Variants in KDM1A observed in about 807,000 individuals in gnomAD.
The protein encoded by KDM1A is lysine demethylase 1A, also known as lysine-specific histone demethylase 1A.
A neutral mutation model predicts 109.4 loss-of-function variants in KDM1A; 49 were observed. That is an observed-to-expected ratio of 0.45 (90% CI 0.36 to 0.57). The LOEUF is 0.57. Among genes scored for constraint, KDM1A ranks in the 20% least tolerant of loss-of-function variants. The pLI is 0.00. For missense variants in KDM1A, 668 were observed against 1,116.6 expected, an observed-to-expected ratio of 0.60 and a Z score of 5.73; for synonymous variants, 380 against 415.4, an observed-to-expected ratio of 0.91 and a Z score of 1.04.
intron 1 of KDM1A, among the ~76,000 whole-genome samples, chr1:23,028,253 G>A (rs1291957778): frequency 6.6e-6 from 1 of 152,122 alleles, no homozygotes; most frequent in Non-Finnish European, 1.5e-5. Context: ...GGCATAAGCG[G>A]TCCTCCTGCC....
intron 2 of KDM1A, among the ~76,000 whole-genome samples, chr1:23,036,699 C>T (rs1334820825): frequency 6.6e-6 from 1 of 151,856 alleles, no homozygotes; most frequent in African/African-American, 2.4e-5. Context: ...CAAGTGTAGA[C>T]ATAAATGCAT....
chr1:23,042,272 TATTC>T (rs1642358132), intron 2 of KDM1A, among the ~76,000 whole-genome samples: 1 of 151,952 alleles, frequency 6.6e-6, no homozygotes, highest in African/African-American at 2.4e-5. Context: ...ACAGCTGTAT[TATTC>T]CTAATCTTAA....
chr1:23,027,051 T>G (rs149046012), intron 1 of KDM1A, among the ~76,000 whole-genome samples: 22 of 152,210 alleles, frequency 1.4e-4, no homozygotes, highest in African/African-American at 5.1e-4. Context: ...CTCTGGGCAA[T>G]TTTAAAATTA....
At chr1:23,065,414 A>G (rs529536595) in intron 9 of KDM1A, among the ~76,000 whole-genome samples, 15 of 152,334 alleles carry the variant, frequency 9.8e-5, no homozygotes, top group Admixed American at 3.9e-4. Context: ...CCCAGTCAGT[A>G]TTGATTTCCT....
chr1:23,083,392 C>T lies in KDM1A; in HGVS notation c.*28C>T. 6.3e-7 allele frequency: 1 copy of T among 1,585,164 alleles called. No homozygotes were observed. The highest frequency in any genetic ancestry group is 8.6e-7 in the Non-Finnish European group (1 of 1,161,804). ...CAGATGCATTCTAAGGGAAGAGGCC[C>T]ATGTGCCTGTTTCTGCCATGTAAGG... On this transcript the variant is annotated 3_prime_UTR_variant, in exon 21 of 21. Coordinates refer to ENST00000400181, the MANE Select transcript of KDM1A (RefSeq NM_001009999.3).
At chr1:23,056,568 T>C (rs1642836384) in intron 7 of KDM1A, among the ~76,000 whole-genome samples, 1 of 152,104 alleles carries the variant, frequency 6.6e-6, no homozygotes, top group Admixed American at 6.6e-5. Flanking sequence ...CATGAATAAT[T>C]TTTGAAATCT....
intron 9 of KDM1A, among the ~76,000 whole-genome samples, chr1:23,063,615 A>T (rs1394852950): frequency 6.6e-6 from 1 of 152,142 alleles, no homozygotes. Context: ...TAAAAATCTC[A>T]TGCCTTCCTT....
At chr1:23,044,926 A>G (rs1642459716) in intron 3 of KDM1A, among the ~76,000 whole-genome samples, 1 of 152,204 alleles carries the variant, frequency 6.6e-6, no homozygotes, top group Non-Finnish European at 1.5e-5. Flanking sequence ...GGCAAGTGAC[A>G]TCTTTTTAAA....
At position 23,030,572 on chromosome 1, in the gene KDM1A, C is replaced by T. The variant is rs746691186; in HGVS notation, c.455C>T (p.Pro152Leu). The change falls in exon 2 of 21, where the codon CCC becomes CTC. Residue 152 changes from proline (P) to leucine (L), a missense_variant. By Grantham distance (98) the Pro-to-Leu change is moderately conservative. Coordinates refer to ENST00000400181, the MANE Select transcript of KDM1A (RefSeq NM_001009999.3). The stretch of plus-strand genomic sequence containing the variant: ...AAAGCAGAGAAGGAAAAGAAGCTTC[C>T]CCCACCACCCCCTCAAGCCCCACCT... The part of the protein sequence containing the change: ...NAKAEKEKKL[P>L]PPPPQAPPEE... 7 of 1,610,612 alleles carry T rather than the reference C, an allele frequency of 4.3e-6. No homozygotes were observed. Among genetic ancestry groups the T allele is most frequent in the Non-Finnish European group, 2.5e-6 (3 of 1,178,936 alleles).
intron 6 of KDM1A, 125 bp from the exon 7 acceptor site, chr1:23,055,807 A>C (rs1642813009): frequency 4.4e-6 from 2 of 455,918 alleles, no homozygotes; most frequent in Non-Finnish European, 7.7e-6. Context: ...TTTTGAAAAT[A>C]ACTCTCTGTA....
intron 15 of KDM1A, among the ~76,000 whole-genome samples, chr1:23,073,650 AT>A (rs1643381023): frequency 6.6e-6 from 1 of 152,166 alleles, no homozygotes; most frequent in African/African-American, 2.4e-5. Flanking sequence ...TTTGTAGTTA[AT>A]CCCCCATGCT....
At chr1:23,060,697 G>A (rs1255499827) in intron 9 of KDM1A, among the ~76,000 whole-genome samples, 2 of 152,170 alleles carry the variant, frequency 1.3e-5, no homozygotes, top group South Asian at 2.1e-4. Flanking sequence ...CTGTAAAGGA[G>A]GGTAGGATTA....
chr1:23,061,813 C>T (rs1394416675), intron 9 of KDM1A, among the ~76,000 whole-genome samples: 1 of 152,044 alleles, frequency 6.6e-6, no homozygotes, highest in Non-Finnish European at 1.5e-5. Context: ...TGCGCCACCA[C>T]GCCCCACTAA....
At chr1:23,026,444 C>CAGTA (rs1182143632) in intron 1 of KDM1A, among the ~76,000 whole-genome samples, 1 of 150,366 alleles carries the variant, frequency 6.7e-6, no homozygotes, top group Non-Finnish European at 1.5e-5. Context: ...GGCTGGAGTG[C>CAGTA]AGTGGCCCGA....
In KDM1A at chr1:23,019,761, G is replaced by C. The variant is rs898294176; in HGVS notation, c.165G>C (p.Val55=). The C allele has an allele frequency of 7.4e-7, 1 of 1,350,596 alleles. No individual in the cohort carries two copies. Among genetic ancestry groups the C allele is most frequent in the East Asian group, 3.1e-5 (1 of 32,106 alleles). 83.7% of individuals were successfully genotyped at this position (1,350,596 alleles called of 1,614,324 possible). A position where few individuals can be genotyped will look rare whatever the true frequency, so the allele number is the denominator to read the frequency against. Residue 55 remains valine, a synonymous_variant, in exon 1 of 21, where the codon GTG becomes GTC. Coordinates refer to ENST00000400181, the MANE Select transcript of KDM1A (RefSeq NM_001009999.3). ...CAGCCGAGGTCGGGCCGGGGGCGGT[G>C]GGGGAGCGCACACCCCGCAAGAAAG... ...SGPAEVGPGA[V]GERTPRKKEP...
At chr1:23,061,434 C>A (rs538835383) in intron 9 of KDM1A, among the ~76,000 whole-genome samples, 9 of 152,256 alleles carry the variant, frequency 5.9e-5, no homozygotes, top group Middle Eastern at 6.8e-3. Context: ...TCATTCAACT[C>A]TGATCTGTAT....
At chr1:23,048,911 G>A (rs1642578559) in intron 3 of KDM1A, among the ~76,000 whole-genome samples, 1 of 152,024 alleles carries the variant, frequency 6.6e-6, no homozygotes, top group Non-Finnish European at 1.5e-5. Flanking sequence ...CACTTTGGGA[G>A]GCTGAGGTGG....
chr1:23,052,109 A>C (rs1223850641), intron 4 of KDM1A, among the ~76,000 whole-genome samples: 1 of 152,144 alleles, frequency 6.6e-6, no homozygotes, highest in South Asian at 2.1e-4. Flanking sequence ...GATTTGAGCG[A>C]TGGATTTACA....
chr1:23,057,773 G>T, intron 8 of KDM1A: 1 of 257,240 alleles, frequency 3.9e-6, no homozygotes, highest in Non-Finnish European at 7.6e-6. Flanking sequence ...ATCATATGAA[G>T]ATAAGTAGAT....
Sources: allele counts gnomAD v4.1 joint callset (sites outside exome capture counted in the v4.1 genomes callset), GRCh38; gene constraint gnomAD v4.1.1; transcripts MANE v1.5; gene names NCBI Gene and HGNC (gene_info 2026-07-23, HGNC 2026-07-21).